The following CFAP65 variants were observed in gnomAD, a reference collection of about 807,000 sequenced individuals.
CFAP65 encodes cilia and flagella associated protein 65.
A neutral mutation model predicts 208.0 loss-of-function variants in CFAP65; 155 were observed. The ratio of observed to expected loss-of-function variants is 0.75; its 90% CI spans 0.65 to 0.85. The LOEUF (loss-of-function observed/expected upper bound fraction) is 0.85. Ranked by LOEUF, CFAP65 falls within the 40% of genes least tolerant of loss-of-function variation. The probability of loss-of-function intolerance (pLI) is 0.00; values close to 1 mark genes in which losing one functional copy is unlikely to be tolerated. For missense variants in CFAP65, 2,294 were observed against 2,451.3 expected (o/e 0.94, Z 1.36); for synonymous variants, 970 against 986.3 (o/e 0.98, Z 0.31).
intron 13 of CFAP65, 31 bp downstream of exon 13, chr2:219,027,619 C>T (rs774294570): frequency 1.5e-5 from 24 of 1,613,282 alleles, no homozygotes; most frequent in Admixed American, 1.3e-4. Flanking sequence ...GCAGAGACCC[C>T]GCATTCCTCC....
intron 21 of CFAP65, chr2:219,015,114 TGAG>T (rs1324324116): frequency 1.5e-5 from 2 of 133,882 alleles, no homozygotes; most frequent in South Asian, 4.7e-4. Flanking sequence ...AACACACACC[TGAG>T]GAGAATGCAC....
intron 1 of CFAP65, among the ~76,000 whole-genome samples, chr2:219,040,870 G>A (rs1948618242): frequency 6.6e-6 from 1 of 152,174 alleles, no homozygotes; most frequent in South Asian, 2.1e-4. Context: ...TCCATCTCCC[G>A]GAGCCTCAGC....
At chr2:219,037,726 C>G (rs1365641559) in intron 4 of CFAP65, among the ~76,000 whole-genome samples, 2 of 152,176 alleles carry the variant, frequency 1.3e-5, no homozygotes, top group Non-Finnish European at 2.9e-5. Flanking sequence ...CGGAATGGCA[C>G]AGAGGACAGA....
intron 18 of CFAP65, 128 bp downstream of exon 18, chr2:219,021,652 A>G: frequency 9.5e-7 from 1 of 1,056,424 alleles, no homozygotes; most frequent in East Asian, 2.4e-5. Flanking sequence ...CTCAAGCAAT[A>G]CTCCCACCTC....
At position 219,009,532 on chromosome 2, in the gene CFAP65, G is replaced by T. The variant is rs182761364; in HGVS notation, c.4453-72C>A. On this transcript the variant is annotated intron_variant, in intron 27 of 34. Transcript: ENST00000341552. ...TGGATAGGATGGCACGGAATAGGATGGGATGAGATGGGACAGGATAAGATG... is the reference window on the plus strand; with the variant it reads ...TGGATAGGATGGCACGGAATAGGATTGGATGAGATGGGACAGGATAAGATG... 3.2e-5 allele frequency: 31 copies of T among 964,022 alleles called. No homozygotes were observed. In the East Asian group the frequency reaches 7.3e-4, roughly 23 times the overall value. 59.7% of individuals were successfully genotyped at this position (964,022 alleles called of 1,614,324 possible).
chr2:219,009,619 AATGGGATGGGATGGGATGGG>A (rs58969836), intron 27 of CFAP65, among the ~76,000 whole-genome samples, 159 bp from the exon 28 acceptor site: 1 of 101,166 alleles, frequency 9.9e-6, no homozygotes, highest in Non-Finnish European at 1.8e-5. Flanking sequence ...GACAAGATGG[AATGGGATGGGATGGGATGGG>A]ATGGGATGGG....
chr2:219,006,511 T>C lies in CFAP65; in HGVS notation c.4675-2A>G, dbSNP rs746292131. 4 of 1,613,508 alleles carry C rather than the reference T, an allele frequency of 2.5e-6. No individual in the cohort carries two copies. Among genetic ancestry groups the C allele is most frequent in the South Asian group, 1.1e-5 (1 of 91,042 alleles). ...ACAGGCTGTGCAGCATGTTCTCTTC[T>C]GTGGAAAAAGAGAGATCCTTGCTTA... On this transcript the variant is annotated splice_acceptor_variant, in intron 29 of 34. Coordinates refer to ENST00000341552, the MANE Select transcript of CFAP65 (RefSeq NM_194302.4). LOFTEE classifies it high-confidence loss of function.
chr2:219,026,055 G>A lies in CFAP65; in HGVS notation c.2316C>T (p.His772=). The A allele has an allele frequency of 6.2e-7, 1 of 1,614,182 alleles. No individual in the cohort carries two copies. Among genetic ancestry groups the A allele is most frequent in the South Asian group, 1.1e-5 (1 of 91,088 alleles). The change falls in exon 14 of 35, where the codon CAC becomes CAT. Residue 772 remains histidine, a synonymous_variant. Coordinates refer to ENST00000341552, the MANE Select transcript of CFAP65 (RefSeq NM_194302.4). ...CATCTAGGGAATACTGGGGGATGTG[G>A]TGCTCAAAGCCAGCGAAATAGCTGT... is the stretch of plus-strand genomic sequence containing the variant. ...RGHSYFAGFE[H]HIPQYSLDVP... is the part of the protein sequence containing the mutation.
At chr2:219,014,247 C>A (rs1162108257) in intron 21 of CFAP65, 2 of 456,698 alleles carry the variant, frequency 4.4e-6, no homozygotes, top group African/African-American at 4.0e-5. Flanking sequence ...AACCCAGGAA[C>A]AGACTCTGGG....
rs763833275 is a variant in CFAP65, at chr2:219,019,728, G to A, written c.3260-9C>T. On this transcript the variant is annotated splice_polypyrimidine_tract_variant and intron_variant, in intron 19 of 34. Coordinates refer to ENST00000341552, the MANE Select transcript of CFAP65 (RefSeq NM_194302.4). Reference sequence around the variant, plus strand: ...CTCCCCAGCCTTGTTATCTGGGGAGGGGGGTGAGGAAGACAGAAGTGGGCT... The same window carrying A: ...CTCCCCAGCCTTGTTATCTGGGGAGAGGGGTGAGGAAGACAGAAGTGGGCT... 6.2e-6 allele frequency: 10 copies of A among 1,611,248 alleles called. No homozygotes were observed. The East Asian group carries it at 1.1e-4, about 18-fold the overall frequency.
At chr2:219,015,107 A>C (rs1235719366) in intron 21 of CFAP65, 2 of 149,280 alleles carry the variant, frequency 1.3e-5, no homozygotes, top group Admixed American at 1.3e-4. Flanking sequence ...AGCGTGCAAC[A>C]CACACCTGAG....
intron 27 of CFAP65, among the ~76,000 whole-genome samples, chr2:219,009,697 G>A (rs71352179): frequency 0.013 from 1,148 of 88,458 alleles, 13 homozygotes; most frequent in Non-Finnish European, 0.019. Flanking sequence ...GGGGTGGGAT[G>A]GGATGGAGTG....
rs548425578 is a variant in CFAP65 at position 219,035,792 on chromosome 2, G to A, written c.358-128C>T. 223 of 1,448,176 alleles carry A rather than the reference G, an allele frequency of 1.5e-4. No individual in the cohort carries two copies. The South Asian group carries it at 2.5e-3, about 16-fold the overall frequency. The allele number at this position is 1,448,176 out of a possible 1,614,324, so 89.7% of individuals were successfully genotyped here. A position where few individuals can be genotyped will look rare whatever the true frequency, so the allele number is the denominator to read the frequency against. On this transcript the variant is annotated intron_variant, in intron 4 of 34. Coordinates refer to ENST00000341552, the MANE Select transcript of CFAP65 (RefSeq NM_194302.4). ...GAAAATAAAAGACAAGAAGAAAAAC[G>A]ATGATTGACACCACCCCTCACCCCT...
chr2:219,026,287 T>A, intron 13 of CFAP65, 128 bp from the exon 14 acceptor site: 1 of 993,292 alleles, frequency 1.0e-6, no homozygotes, highest in Non-Finnish European at 1.5e-6. Flanking sequence ...AGGGCCTCCC[T>A]GGGAAGACAG....
chr2:219,013,706 G>T, intron 22 of CFAP65, 121 bp from the exon 23 acceptor site: 2 of 1,182,036 alleles, frequency 1.7e-6, no homozygotes, highest in Non-Finnish European at 2.5e-6. Flanking sequence ...ACTCGCCCTT[G>T]AGTTGGGATG....
Position 219,032,384 on chromosome 2 carries a change from G to T in CFAP65, c.645+86C>A. On this transcript the variant is annotated intron_variant, in intron 6 of 34. Transcript: ENST00000341552. This position sits in a 1 kb window ranked among gnomAD's most constrained non-coding sequence, Gnocchi z 5.5. The stretch of plus-strand genomic sequence containing the variant: ...GGGCAGCATGTGTGTGTGCCGGGGC[G>T]CTCCTGGTTGCTCTGTCCTGTTTTC... 1 of 1,179,346 alleles carries T rather than the reference G, an allele frequency of 8.5e-7. No homozygotes were observed. The highest frequency in any genetic ancestry group is 1.2e-6 in the Non-Finnish European group (1 of 835,288). 73.1% of individuals were successfully genotyped at this position (1,179,346 alleles called of 1,614,324 possible). A position where few individuals can be genotyped will look rare whatever the true frequency, so the allele number is the denominator to read the frequency against.
chr2:219,021,036 A>G (rs1043566983), intron 19 of CFAP65, 116 bp downstream of exon 19: 2 of 1,210,694 alleles, frequency 1.7e-6, no homozygotes, highest in African/African-American at 3.1e-5. Context: ...ACCTCAGCAC[A>G]CCCCACTCAC....
At position 219,038,394 on chromosome 2, in the gene CFAP65, C is replaced by G. The variant is rs1214283031; in HGVS notation, c.338G>C (p.Cys113Ser). 2 of 1,613,114 alleles carry G rather than the reference C, an allele frequency of 1.2e-6. No homozygotes were observed. Among genetic ancestry groups the G allele is most frequent in the Non-Finnish European group, 1.7e-6 (2 of 1,179,984 alleles). The change falls in exon 4 of 35, where the codon TGC becomes TCC. Residue 113 changes from cysteine (C) to serine (S), a missense_variant. This residue lies in a region of CFAP65 where 867 missense variants were observed against 1,012.6 expected (regional missense o/e 0.86). Transcript: ENST00000341552. ...INDSSAAMSA[C>S]STISAQPASS... ...CCTTACCTGGGCGCTGATGGTGCTG[C>G]AGGCACTCATGGCTGCACTGCTGTC...
intron 10 of CFAP65, 21 bp downstream of exon 10, chr2:219,029,965 G>C: frequency 1.3e-6 from 2 of 1,592,716 alleles, no homozygotes; most frequent in Non-Finnish European, 1.7e-6. Context: ...CCCCAGGGGA[G>C]GCCCCTGGGG....
Sources: allele counts gnomAD v4.1 joint callset (sites outside exome capture counted in the v4.1 genomes callset), GRCh38; gene constraint gnomAD v4.1.1; regional missense constraint gnomAD v4.1.1; non-coding constraint Gnocchi (gnomAD v3.1); transcripts MANE v1.5; gene names NCBI Gene and HGNC (gene_info 2026-07-23, HGNC 2026-07-21).